MSN: variants seen among roughly 807,000 people sequenced by gnomAD.
MSN encodes epididymis luminal protein 70.
Under a neutral mutation model 48.0 loss-of-function variants are expected in MSN, and 2 were observed. That is an observed-to-expected ratio of 0.04 (90% CI 0.02 to 0.13). The LOEUF is 0.13. Among genes scored for constraint, MSN ranks in the 10% least tolerant of loss-of-function variants. The pLI is 1.00. For missense variants in MSN, 267 were observed against 470.1 expected, an observed-to-expected ratio of 0.57 and a Z score of 3.99; for synonymous variants, 146 against 166.9, an observed-to-expected ratio of 0.87 and a Z score of 0.97.
chrX:65,728,153 C>A (rs182128515), intron 3 of MSN, among the ~76,000 whole-genome samples: 9 of 112,238 alleles, frequency 8.0e-5, no homozygotes, highest in Non-Finnish European at 1.7e-4. Context: ...AGACTCTTTT[C>A]TTTCTAATGG....
intron 1 of MSN, among the ~76,000 whole-genome samples, chrX:65,617,103 G>T (rs868295971): frequency 2.2e-4 from 23 of 106,691 alleles, no homozygotes; most frequent in Non-Finnish European, 2.8e-4. Flanking sequence ...GCTGGATTCG[G>T]TTTGCCAGTA....
intron 1 of MSN, among the ~76,000 whole-genome samples, chrX:65,711,030 G>T (rs895154689): frequency 9.7e-6 from 1 of 103,485 alleles, no homozygotes; most frequent in African/African-American, 3.6e-5. Flanking sequence ...GACTACAGGC[G>T]TGCACCACCA....
chrX:65,603,256 T>C (rs1309501699), intron 1 of MSN, among the ~76,000 whole-genome samples: 2 of 112,094 alleles, frequency 1.8e-5, no homozygotes, highest in East Asian at 5.6e-4. Flanking sequence ...ATCACGCCAC[T>C]GCACTTCAGC....
intron 1 of MSN, among the ~76,000 whole-genome samples, chrX:65,636,776 CAGAA>C (rs1381370971): frequency 1.2e-5 from 1 of 82,891 alleles, no homozygotes; most frequent in Non-Finnish European, 2.2e-5. Flanking sequence ...AAAAAAAAAC[CAGAA>C]AGAAAGAAAA....
intron 7 of MSN, 64 bp from the exon 8 acceptor site, chrX:65,735,203 A>G (rs2071662741): frequency 8.7e-7 from 1 of 1,149,682 alleles, no homozygotes; most frequent in African/African-American, 1.8e-5. Flanking sequence ...TTAGCTTTTC[A>G]GAAGGCAGAA....
chrX:65,609,801 C>T (rs1288579487), intron 1 of MSN, among the ~76,000 whole-genome samples: 1 of 110,414 alleles, frequency 9.1e-6, no homozygotes, highest in Non-Finnish European at 1.9e-5. Context: ...GAGAATCACT[C>T]GAACCCGGGA....
intron 1 of MSN, among the ~76,000 whole-genome samples, chrX:65,700,654 C>T (rs966176664): frequency 8.9e-6 from 1 of 111,968 alleles, no homozygotes; most frequent in Non-Finnish European, 1.9e-5. Flanking sequence ...AGACTTGGCT[C>T]TTGGTCAAGG....
chrX:65,725,653 G>A (rs986191860), intron 2 of MSN, among the ~76,000 whole-genome samples: 1 of 111,633 alleles, frequency 9.0e-6, no homozygotes, highest in Non-Finnish European at 1.9e-5. Flanking sequence ...TTCAACATAA[G>A]CATTCACATT....
intron 1 of MSN, among the ~76,000 whole-genome samples, chrX:65,616,947 C>T (rs576109515): frequency 1.2e-3 from 130 of 110,156 alleles, no homozygotes; most frequent in South Asian, 1.5e-3. Context: ...AGGCCTTTTC[C>T]GCATCTATTG....
At chrX:65,620,426 G>T (rs1227655063) in intron 1 of MSN, among the ~76,000 whole-genome samples, 1 of 113,908 alleles carries the variant, frequency 8.8e-6, no homozygotes, top group Non-Finnish European at 1.9e-5. Context: ...CGCTTTCCAA[G>T]CCCGTCGGAA....
chrX:65,632,615 G>A (rs1042163837), intron 1 of MSN, among the ~76,000 whole-genome samples: 7 of 111,688 alleles, frequency 6.3e-5, no homozygotes, highest in Admixed American at 9.5e-5. Context: ...TCTTCACATC[G>A]TTGGTGTTGT....
At chrX:65,602,026 C>T (rs5964988) in intron 1 of MSN, among the ~76,000 whole-genome samples, 10,994 of 111,365 alleles carry the variant, frequency 0.099, 1,333 homozygotes, top group African/African-American at 0.34. Context: ...CTACTCTGAG[C>T]GTTCTACAGC....
intron 1 of MSN, among the ~76,000 whole-genome samples, chrX:65,609,680 A>G (rs373921847): frequency 1.8e-5 from 2 of 111,492 alleles, no homozygotes; most frequent in African/African-American, 3.3e-5. Context: ...TCAGGAGATC[A>G]AGACCATCCT....
At chrX:65,696,937 A>G (rs2071248838) in intron 1 of MSN, among the ~76,000 whole-genome samples, 1 of 110,464 alleles carries the variant, frequency 9.1e-6, no homozygotes, top group African/African-American at 3.3e-5. Context: ...CATACAGCCC[A>G]AGAGCATTCT....
chrX:65,642,849 T>C (rs1283905423), intron 1 of MSN, among the ~76,000 whole-genome samples: 2 of 110,170 alleles, frequency 1.8e-5, no homozygotes, highest in Non-Finnish European at 3.8e-5. Context: ...CTGAGGCTGA[T>C]GGGAAAGTCA....
chrX:65,630,874 T>C (rs1314461220), intron 1 of MSN, among the ~76,000 whole-genome samples: 3 of 111,835 alleles, frequency 2.7e-5, no homozygotes, highest in Non-Finnish European at 5.6e-5. Flanking sequence ...AATTTTGAGA[T>C]AATAGTAGAT....
chrX:65,632,716 C>G (rs966272911), intron 1 of MSN, among the ~76,000 whole-genome samples: 1 of 111,362 alleles, frequency 9.0e-6, no homozygotes. Flanking sequence ...CAGTGGGACT[C>G]GTGAAGGTTC....
At chrX:65,636,197 G>A (rs1268010079) in intron 1 of MSN, among the ~76,000 whole-genome samples, 1 of 111,445 alleles carries the variant, frequency 9.0e-6, no homozygotes. Context: ...CCCTGACTGT[G>A]TCACTTCTAC....
chrX:65,676,389 T>C (rs1308617248), intron 1 of MSN, among the ~76,000 whole-genome samples: 1 of 112,138 alleles, frequency 8.9e-6, no homozygotes, highest in Non-Finnish European at 1.9e-5. Context: ...CTGTGCTTGC[T>C]TAGTAGAACT....
Sources: gnomAD v4.1 joint callset for allele counts (sites outside exome capture counted in the v4.1 genomes callset) on GRCh38, gnomAD v4.1.1 for gene constraint, MANE v1.5 for transcripts, NCBI Gene and HGNC (gene_info 2026-07-23, HGNC 2026-07-21) for gene names.